The following ABCC3 variants were observed in gnomAD, a reference collection of about 807,000 sequenced individuals.
The protein encoded by ABCC3 is ATP-binding cassette sub-family C member 3.
In ABCC3, 121 loss-of-function variants were observed where a neutral mutation model predicts 165.3. That is an observed-to-expected ratio of 0.73 (90% confidence interval 0.63 to 0.85). The LOEUF (loss-of-function observed/expected upper bound fraction) is 0.85, where lower values mean the gene tolerates loss of function less well. Among genes scored for constraint, ABCC3 ranks in the 40% least tolerant of loss-of-function variants. ABCC3 has a pLI of 0.00. For missense variants in ABCC3, 1,869 were observed against 1,964.1 expected (o/e 0.95, Z 0.92); for synonymous variants, 733 against 810.1 (o/e 0.90, Z 1.62).
intron 1 of ABCC3, chr17:50,643,623 G>T (rs1291002623): frequency 4.4e-6 from 2 of 456,208 alleles, no homozygotes; most frequent in African/African-American, 4.0e-5. Context: ...TCCAGGGAAG[G>T]GGATCTCTCT....
chr17:50,666,272 G>T (rs1967526121), intron 11 of ABCC3, among the ~76,000 whole-genome samples: 1 of 152,088 alleles, frequency 6.6e-6, no homozygotes, highest in South Asian at 2.1e-4. Context: ...GGGAGATCGA[G>T]ACCAGCCAGA....
At chr17:50,680,918 TACAAAAAAA>T (rs1967915502) in intron 26 of ABCC3, among the ~76,000 whole-genome samples, 1 of 151,902 alleles carries the variant, frequency 6.6e-6, no homozygotes, top group Non-Finnish European at 1.5e-5. Flanking sequence ...CTACTAAAAA[TACAAAAAAA>T]TAGCTGGGCG....
chr17:50,652,476 T>G (rs375108797), intron 1 of ABCC3, among the ~76,000 whole-genome samples: 11 of 152,246 alleles, frequency 7.2e-5, no homozygotes, highest in African/African-American at 2.4e-4. Context: ...TTTAGATGCC[T>G]CTGTGTATCA....
chr17:50,655,234 CG>C (rs1967204260), intron 1 of ABCC3, among the ~76,000 whole-genome samples: 1 of 149,924 alleles, frequency 6.7e-6, no homozygotes, highest in African/African-American at 2.5e-5. Flanking sequence ...GGTGAAACCC[CG>C]TCTCTACTAA....
At chr17:50,673,756 G>A in intron 19 of ABCC3, 98 bp downstream of exon 19, 2 of 1,268,694 alleles carry the variant, frequency 1.6e-6, no homozygotes, top group Non-Finnish European at 2.2e-6. Context: ...TGTTGTGCCA[G>A]GCAGGTTCTG....
intron 1 of ABCC3, among the ~76,000 whole-genome samples, chr17:50,654,478 C>G (rs912184324): frequency 6.6e-6 from 1 of 152,212 alleles, no homozygotes; most frequent in African/African-American, 2.4e-5. Context: ...AACCAACCAT[C>G]CTGGTTTGCC....
At chr17:50,677,620 A>T (rs1444837053) in intron 23 of ABCC3, 124 bp from the exon 24 acceptor site, 1 of 932,100 alleles carries the variant, frequency 1.1e-6, no homozygotes, top group East Asian at 2.4e-5. Context: ...GAAGGCAGCG[A>T]TGTCTCGTGG....
intron 1 of ABCC3, among the ~76,000 whole-genome samples, chr17:50,643,212 A>G (rs933093960): frequency 6.6e-6 from 1 of 152,202 alleles, no homozygotes; most frequent in South Asian, 2.1e-4. Flanking sequence ...AGACCTGAAG[A>G]TCTGGGTTCA....
At chr17:50,643,761 G>T in intron 1 of ABCC3, 1 of 388,186 alleles carries the variant, frequency 2.6e-6, no homozygotes, top group Non-Finnish European at 5.3e-6. Flanking sequence ...GGGGGTAGGA[G>T]CAAGAATCTC....
At chr17:50,684,652 C>A in intron 28 of ABCC3, 57 bp from the exon 29 acceptor site, 2 of 1,559,048 alleles carry the variant, frequency 1.3e-6, no homozygotes, top group Non-Finnish European at 1.7e-6. Flanking sequence ...GACCTGGGGC[C>A]TATGGCTCCT....
In ABCC3 at chr17:50,659,349, C is replaced by G; in HGVS notation, c.787C>G (p.Gln263Glu). The stretch of plus-strand genomic sequence containing the variant: ...GCAGCTGCTGGAGGCATGGAGGAAG[C>G]AGGAAAAGCAGACGGCACGGTGAGG... ...VQQLLEAWRK[Q>E]EKQTARHKAS... Residue 263 changes from glutamine (Q) to glutamate (E), a missense_variant, in exon 7 of 31, where the codon CAG becomes GAG. Coordinates refer to ENST00000285238, the MANE Select transcript of ABCC3 (RefSeq NM_003786.4). 6.2e-7 allele frequency: 1 copy of G among 1,611,156 alleles called. No homozygotes were observed. The highest frequency in any genetic ancestry group is 8.5e-7 in the Non-Finnish European group (1 of 1,177,780).
At chr17:50,683,350 TAA>T (rs1202475371) in intron 26 of ABCC3, among the ~76,000 whole-genome samples, 41 of 111,422 alleles carry the variant, frequency 3.7e-4, no homozygotes, top group Admixed American at 4.4e-4. Context: ...TCTCAAAAAT[TAA>T]AAAAAAAAAA....
chr17:50,660,723 G>A (rs755121434), intron 7 of ABCC3, among the ~76,000 whole-genome samples, 200 bp from the exon 8 acceptor site: 1 of 152,166 alleles, frequency 6.6e-6, no homozygotes, highest in Non-Finnish European at 1.5e-5. Flanking sequence ...TAGCAGTCTG[G>A]CCACCCCTTC....
chr17:50,646,365 T>A (rs1016201703), intron 1 of ABCC3, among the ~76,000 whole-genome samples: 2 of 152,070 alleles, frequency 1.3e-5, no homozygotes, highest in African/African-American at 4.8e-5. Context: ...GAAGGGACAT[T>A]GTGCAGGTCT....
At chr17:50,681,539 GAC>G (rs1355234649) in intron 26 of ABCC3, among the ~76,000 whole-genome samples, 2 of 151,880 alleles carry the variant, frequency 1.3e-5, no homozygotes, top group Non-Finnish European at 2.9e-5. Context: ...TTCCATTCCA[GAC>G]ACACACGCAA....
At chr17:50,667,478 T>A in intron 11 of ABCC3, 76 bp from the exon 12 acceptor site, 1 of 1,311,502 alleles carries the variant, frequency 7.6e-7, no homozygotes, top group South Asian at 1.4e-5. Flanking sequence ...TGAGAATGGA[T>A]GGAAGGTAGG....
In ABCC3 at chr17:50,659,288, C is replaced by G; in HGVS notation, c.726C>G (p.Ser242=). The change falls in exon 7 of 31, where the codon TCC becomes TCG. Residue 242 remains serine (S), a synonymous_variant. Coordinates refer to ENST00000285238, the MANE Select transcript of ABCC3 (RefSeq NM_003786.4). ...CCCTGGAGGAGAAGGACCTCTGGTC[C>G]CTAAAGGAAGAGGACAGATCCCAGA... is the stretch of plus-strand genomic sequence containing the variant. The part of the protein sequence containing the change: ...RHPLEEKDLW[S]LKEEDRSQMV... 1.2e-6 allele frequency: 2 copies of G among 1,613,872 alleles called. No individual in the cohort carries two copies. The highest frequency in any genetic ancestry group is 8.5e-7 in the Non-Finnish European group (1 of 1,179,888).
chr17:50,649,733 G>A (rs922215640), intron 1 of ABCC3, among the ~76,000 whole-genome samples: 3 of 149,998 alleles, frequency 2.0e-5, no homozygotes, highest in Admixed American at 6.7e-5. Flanking sequence ...AGGAAGGAAG[G>A]AAGAAAGAGA....
chr17:50,675,470 T>A lies in ABCC3; in HGVS notation c.2708T>A (p.Phe903Tyr), dbSNP rs1967779974. The A allele has an allele frequency of 6.2e-7, 1 of 1,613,024 alleles. No individual in the cohort carries two copies. The highest frequency in any genetic ancestry group is 8.5e-7 in the Non-Finnish European group (1 of 1,179,442). Residue 903 changes from phenylalanine (F) to tyrosine (Y), a missense_variant, in exon 20 of 31, where the codon TTT (phenylalanine) becomes TAT (tyrosine). Phe to Tyr is a conservative substitution (Grantham distance 22, BLOSUM62 3). Transcript: ENST00000285238. ...GTCACCTATGTGGTCCAGAAGCAGT[T>A]TATGAGGTGAGTTCCTGAGAGCTCC... is the stretch of plus-strand genomic sequence containing the variant. ...DPVTYVVQKQ[F>Y]MRQLSALSSD... is the part of the protein sequence containing the mutation.
Sources: gnomAD v4.1 joint callset for allele counts (sites outside exome capture counted in the v4.1 genomes callset) on GRCh38, gnomAD v4.1.1 for gene constraint, MANE v1.5 for transcripts, NCBI Gene and HGNC (gene_info 2026-07-23, HGNC 2026-07-21) for gene names.